GHR: variants seen among roughly 807,000 people sequenced by gnomAD.
GHR encodes growth hormone receptor.
A neutral mutation model predicts 67.1 loss-of-function variants in GHR; 35 were observed. The observed-to-expected ratio is 0.52, with a 90% CI of 0.40 to 0.69. The LOEUF (loss-of-function observed/expected upper bound fraction) is 0.69, where lower values mean the gene tolerates loss of function less well. GHR is among the 30% of genes least tolerant of loss of function. GHR has a pLI of 0.00. For missense variants in GHR, 792 were observed against 764.6 expected, an observed-to-expected ratio of 1.04 and a Z score of -0.42; for synonymous variants, 272 against 269.1, an observed-to-expected ratio of 1.01 and a Z score of -0.10.
Position 42,688,963 on chromosome 5 carries a change from T to C in GHR, c.210T>C (p.Asp70=). ...ERETFSCHWT[D]EVHHGTKNLG... ...AGACTTTTTCATGCCACTGGACAGA[T>C]GAGGTTCATCATGGTACAAAGAACC... Residue 70 remains aspartate (D), a synonymous_variant, in exon 4 of 10, where the codon GAT becomes GAC. Coordinates refer to ENST00000230882, the MANE Select transcript of GHR (RefSeq NM_000163.5). 6.2e-7 allele frequency: 1 copy of C among 1,612,978 alleles called. No individual in the cohort carries two copies. Among genetic ancestry groups the C allele is most frequent in the Non-Finnish European group, 8.5e-7 (1 of 1,178,920 alleles).
At chr5:42,607,994 C>G (rs1016508109) in intron 2 of GHR, among the ~76,000 whole-genome samples, 1 of 152,156 alleles carries the variant, frequency 6.6e-6, no homozygotes, top group African/African-American at 2.4e-5. Context: ...TAGGCTGATT[C>G]TAACTACCTA....
At chr5:42,510,180 A>G (rs1009454529) in intron 1 of GHR, among the ~76,000 whole-genome samples, 3 of 152,158 alleles carry the variant, frequency 2.0e-5, no homozygotes, top group Non-Finnish European at 2.9e-5. Context: ...CCCAAAGCCA[A>G]TTCTTTGGCA....
chr5:42,508,718 C>A (rs759701739), intron 1 of GHR, among the ~76,000 whole-genome samples: 2 of 152,128 alleles, frequency 1.3e-5, no homozygotes, highest in Non-Finnish European at 2.9e-5. Flanking sequence ...GGACTACAAG[C>A]GCCCGCCACC....
intron 1 of GHR, among the ~76,000 whole-genome samples, chr5:42,445,459 G>C (rs1035806122): frequency 8.5e-5 from 13 of 152,194 alleles, no homozygotes; most frequent in Non-Finnish European, 7.3e-5. Context: ...GAGATCATCT[G>C]TAGCCAGCTT....
chr5:42,492,148 G>T (rs1746141437), intron 1 of GHR, among the ~76,000 whole-genome samples: 1 of 152,106 alleles, frequency 6.6e-6, no homozygotes, highest in Non-Finnish European at 1.5e-5. Flanking sequence ...ATGTCTGCGT[G>T]TGTATTGCCA....
intron 8 of GHR, 98 bp from the exon 9 acceptor site, chr5:42,717,954 A>G (rs2111860554): frequency 1.4e-6 from 1 of 716,292 alleles, no homozygotes. Context: ...TATTTGGAAA[A>G]AGTAATAGTA....
At chr5:42,584,765 C>A (rs375525446) in intron 2 of GHR, among the ~76,000 whole-genome samples, 4 of 150,252 alleles carry the variant, frequency 2.7e-5, no homozygotes, top group South Asian at 4.2e-4. Flanking sequence ...ACAGATTATT[C>A]AGCTTCTTAA....
rs1432407709 is a variant in GHR, at chr5:42,480,188, A to T, written c.-12+56233A>T. On this transcript the variant is annotated intron_variant, in intron 1 of 9. Transcript: ENST00000230882. ...GCAGGTTGTTCAGTTTCCATGTAGTAGAGCGGTTTTGAGTGAGTTTCTTAA... is the reference window on the plus strand; with the variant it reads ...GCAGGTTGTTCAGTTTCCATGTAGTTGAGCGGTTTTGAGTGAGTTTCTTAA... Among the ~76,000 whole-genome samples the T allele has an allele frequency of 5.9e-5, 9 of 152,164 alleles. No individual in the cohort carries two copies. In the East Asian group the frequency reaches 7.7e-4, roughly 13 times the overall value.
At chr5:42,705,805 T>C (rs1013440920) in intron 6 of GHR, among the ~76,000 whole-genome samples, 1 of 152,052 alleles carries the variant, frequency 6.6e-6, no homozygotes, top group African/African-American at 2.4e-5. Flanking sequence ...CAGTGTACCA[T>C]TTTCTTTATT....
At chr5:42,535,308 T>A (rs1232870841) in intron 1 of GHR, among the ~76,000 whole-genome samples, 3 of 152,162 alleles carry the variant, frequency 2.0e-5, no homozygotes, top group Non-Finnish European at 2.9e-5. Flanking sequence ...TTTAAGTCCT[T>A]AATCCATCCT....
intron 3 of GHR, among the ~76,000 whole-genome samples, chr5:42,644,413 A>G (rs977436538): frequency 6.6e-6 from 1 of 152,176 alleles, no homozygotes; most frequent in Non-Finnish European, 1.5e-5. Context: ...AAGCTGAAAG[A>G]AATTGTCTGG....
At chr5:42,553,335 C>A (rs1039418999) in intron 1 of GHR, among the ~76,000 whole-genome samples, 1 of 152,250 alleles carries the variant, frequency 6.6e-6, no homozygotes, top group Non-Finnish European at 1.5e-5. Context: ...ATTGTTGGAC[C>A]ATGTTCCCCA....
At chr5:42,525,292 A>T (rs1399667034) in intron 1 of GHR, among the ~76,000 whole-genome samples, 1 of 152,240 alleles carries the variant, frequency 6.6e-6, no homozygotes, top group Admixed American at 6.5e-5. Flanking sequence ...CGTGACCTGG[A>T]TGTGAGACAT....
At chr5:42,548,134 G>A in intron 1 of GHR, 1 of 985,290 alleles carries the variant, frequency 1.0e-6, no homozygotes. Flanking sequence ...GCAGAGCCCA[G>A]AGATGTACTG....
At position 42,719,620 on chromosome 5, in the gene GHR, C is replaced by A; in HGVS notation, c.*196C>A. On this transcript the variant is annotated 3_prime_UTR_variant, in exon 10 of 10. Transcript: ENST00000230882. ...AAGAATGCTTAATCAGATAGATATT[C>A]CTATTGTGCAATGTAAATATTTTAA... The A allele has an allele frequency of 3.3e-6, 2 of 614,820 alleles. No homozygotes were observed. Among genetic ancestry groups the A allele is most frequent in the African/African-American group, 1.8e-5 (1 of 54,800 alleles). 38.1% of individuals were successfully genotyped at this position (614,820 alleles called of 1,614,324 possible).
At chr5:42,634,649 T>C (rs957172788) in intron 3 of GHR, among the ~76,000 whole-genome samples, 4 of 151,996 alleles carry the variant, frequency 2.6e-5, no homozygotes, top group Non-Finnish European at 5.9e-5. Flanking sequence ...GAAAGGAGAG[T>C]GATAAAGATA....
At chr5:42,675,093 G>C (rs542034112) in intron 3 of GHR, among the ~76,000 whole-genome samples, 146 of 152,218 alleles carry the variant, frequency 9.6e-4, no homozygotes, top group African/African-American at 3.3e-3. Flanking sequence ...ACTGAATTTA[G>C]TGCTAATTGT....
At chr5:42,585,447 A>C (rs77333239) in intron 2 of GHR, among the ~76,000 whole-genome samples, 20 of 23,524 alleles carry the variant, frequency 8.5e-4, no homozygotes, top group African/African-American at 1.3e-3. Flanking sequence ...GTCTGACTAG[A>C]TAGCTAAAGG....
At chr5:42,525,260 G>A (rs542336289) in intron 1 of GHR, among the ~76,000 whole-genome samples, 23 of 152,290 alleles carry the variant, frequency 1.5e-4, no homozygotes, top group African/African-American at 5.5e-4. Context: ...CCAAGACCAT[G>A]GGAACCCACC....
Sources: gnomAD v4.1 joint callset for allele counts (sites outside exome capture counted in the v4.1 genomes callset) on GRCh38, gnomAD v4.1.1 for gene constraint, MANE v1.5 for transcripts, NCBI Gene and HGNC (gene_info 2026-07-23, HGNC 2026-07-21) for gene names.